SNX30: variants seen among roughly 807,000 people sequenced by gnomAD.
SNX30 encodes sorting nexin-30.
In SNX30, 24 loss-of-function variants were observed where a neutral mutation model predicts 46.4. The observed-to-expected ratio is 0.52, with a 90% CI of 0.37 to 0.73. The LOEUF is 0.73. SNX30 is among the 30% of genes least tolerant of loss of function. The probability of loss-of-function intolerance (pLI) is 0.00; values close to 1 mark genes in which losing one functional copy is unlikely to be tolerated. For missense variants in SNX30, 533 were observed against 555.7 expected (o/e 0.96, Z 0.41); for synonymous variants, 189 against 211.5 (o/e 0.89, Z 0.92).
intron 6 of SNX30, 93 bp downstream of exon 6, chr9:112,838,790 A>C: frequency 8.0e-7 from 1 of 1,255,794 alleles, no homozygotes; most frequent in Non-Finnish European, 1.1e-6. Flanking sequence ...CATGTGATAT[A>C]AGTTTCCTTC....
chr9:112,774,929 CT>C (rs1839715982), intron 1 of SNX30, among the ~76,000 whole-genome samples: 1 of 150,052 alleles, frequency 6.7e-6, no homozygotes, highest in Non-Finnish European at 1.5e-5. Context: ...ACTGCAACCT[CT>C]GCCTCCTGGG....
At chr9:112,787,019 A>G (rs187020936) in intron 1 of SNX30, among the ~76,000 whole-genome samples, 8 of 152,274 alleles carry the variant, frequency 5.3e-5, no homozygotes, top group African/African-American at 1.9e-4. Flanking sequence ...GGTCTGAGTC[A>G]TGTCAGTGGG....
chr9:112,850,779 G>A, intron 6 of SNX30, 80 bp from the exon 7 acceptor site: 9 of 1,063,224 alleles, frequency 8.5e-6, no homozygotes, highest in Admixed American at 2.0e-5. Context: ...GAGGCGTGGG[G>A]GAAAAGAAGC....
At chr9:112,776,537 T>G (rs1182592744) in intron 1 of SNX30, among the ~76,000 whole-genome samples, 5 of 152,240 alleles carry the variant, frequency 3.3e-5, no homozygotes, top group African/African-American at 9.6e-5. Context: ...TTCTACCTTC[T>G]TGGTGATGCA....
At chr9:112,784,182 C>T (rs1839885419) in intron 1 of SNX30, among the ~76,000 whole-genome samples, 1 of 152,150 alleles carries the variant, frequency 6.6e-6, no homozygotes, top group Non-Finnish European at 1.5e-5. Flanking sequence ...CTCTCATCTG[C>T]CCTTGCCTCT....
At chr9:112,857,987 C>T (rs1841164724) in intron 7 of SNX30, among the ~76,000 whole-genome samples, 1 of 152,194 alleles carries the variant, frequency 6.6e-6, no homozygotes, top group African/African-American at 2.4e-5. Flanking sequence ...CACTAACAAC[C>T]TATATTCTGT....
In SNX30 at chr9:112,870,314, C is replaced by T. The variant is rs1452883924; in HGVS notation, c.*1471C>T. The T allele has an allele frequency of 2.6e-5, 4 of 152,076 alleles. No homozygotes were observed. Among genetic ancestry groups the T allele is most frequent in the South Asian group, 2.1e-4 (1 of 4,822 alleles). The allele number at this position is 152,076 out of a possible 1,614,324, so 9.4% of individuals were successfully genotyped here. A position where few individuals can be genotyped will look rare whatever the true frequency, so the allele number is the denominator to read the frequency against. ...TTTTAATGAAACAGCTGTGTTAAGG[C>T]GCTGCTTCAGATGCAAGTTCACCTG... On this transcript the variant is annotated 3_prime_UTR_variant, in exon 9 of 9. Transcript: ENST00000374232.
intron 6 of SNX30, among the ~76,000 whole-genome samples, chr9:112,843,386 G>C (rs1840887297): frequency 6.6e-6 from 1 of 152,088 alleles, no homozygotes; most frequent in Admixed American, 6.6e-5. Flanking sequence ...TAGGTTGTAA[G>C]GGAAAGCCAC....
chr9:112,767,897 G>T (rs1226320286), intron 1 of SNX30, among the ~76,000 whole-genome samples: 1 of 152,112 alleles, frequency 6.6e-6, no homozygotes, highest in African/African-American at 2.4e-5. Context: ...ATTTTGTCTG[G>T]CCAGCCACTG....
At chr9:112,815,306 A>G (rs1840379525) in intron 2 of SNX30, among the ~76,000 whole-genome samples, 1 of 152,098 alleles carries the variant, frequency 6.6e-6, no homozygotes, top group Non-Finnish European at 1.5e-5. Context: ...ATAAACTGTA[A>G]TTTATGAAAT....
intron 3 of SNX30, among the ~76,000 whole-genome samples, chr9:112,821,432 T>TG (rs1224646622): frequency 5.9e-5 from 9 of 151,554 alleles, no homozygotes; most frequent in East Asian, 5.8e-4. Context: ...TATATGTGTG[T>TG]TTGTATATAT....
At chr9:112,849,202 C>T (rs1454068943) in intron 6 of SNX30, among the ~76,000 whole-genome samples, 1 of 152,208 alleles carries the variant, frequency 6.6e-6, no homozygotes, top group Non-Finnish European at 1.5e-5. Context: ...AGGATTTTTA[C>T]TACTGCTGTA....
At chr9:112,830,399 C>G (rs1266459979) in intron 3 of SNX30, among the ~76,000 whole-genome samples, 1 of 151,646 alleles carries the variant, frequency 6.6e-6, no homozygotes. Flanking sequence ...TTCTTCTTTT[C>G]TTTTCTTCTT....
intron 6 of SNX30, among the ~76,000 whole-genome samples, chr9:112,843,502 C>T (rs10981524): frequency 0.061 from 9,276 of 151,790 alleles, 651 homozygotes; most frequent in African/African-American, 0.16. Context: ...GTGCAAAGTC[C>T]GAAAGCTGAA....
chr9:112,769,705 C>T (rs1839615051), intron 1 of SNX30, among the ~76,000 whole-genome samples: 1 of 152,170 alleles, frequency 6.6e-6, no homozygotes, highest in East Asian at 1.9e-4. Context: ...TCTTCATCTG[C>T]ATGGTGTCCC....
chr9:112,854,912 C>A (rs1841096246), intron 7 of SNX30, among the ~76,000 whole-genome samples: 1 of 152,250 alleles, frequency 6.6e-6, no homozygotes, highest in African/African-American at 2.4e-5. Context: ...GACGTAGTGA[C>A]AGATGCTCCG....
intron 1 of SNX30, among the ~76,000 whole-genome samples, chr9:112,789,614 G>C (rs1839989513): frequency 6.6e-6 from 1 of 152,218 alleles, no homozygotes; most frequent in Non-Finnish European, 1.5e-5. Flanking sequence ...CAGGAATTGT[G>C]TATGGTAAAT....
chr9:112,786,588 C>T (rs1839931999), intron 1 of SNX30, among the ~76,000 whole-genome samples: 1 of 152,090 alleles, frequency 6.6e-6, no homozygotes, highest in Non-Finnish European at 1.5e-5. Flanking sequence ...TGTCTCTGGA[C>T]TCAGAATGCC....
intron 1 of SNX30, among the ~76,000 whole-genome samples, chr9:112,780,369 G>A (rs1245935904): frequency 6.6e-6 from 1 of 152,106 alleles, no homozygotes; most frequent in Non-Finnish European, 1.5e-5. Flanking sequence ...TCGTTAAGAT[G>A]GTAAGTTTTA....
Sources: allele counts gnomAD v4.1 joint callset (sites outside exome capture counted in the v4.1 genomes callset), GRCh38; gene constraint gnomAD v4.1.1; transcripts MANE v1.5; gene names NCBI Gene and HGNC (gene_info 2026-07-23, HGNC 2026-07-21).